BABAM2: variants seen among roughly 807,000 people sequenced by gnomAD.
The protein encoded by BABAM2 is BRISC and BRCA1-A complex member 2.
BABAM2 carries 31 observed loss-of-function variants against 54.7 expected under a neutral mutation model. The observed-to-expected ratio is 0.57, with a 90% CI of 0.43 to 0.77. The LOEUF (loss-of-function observed/expected upper bound fraction) is 0.77, where lower values mean the gene tolerates loss of function less well. BABAM2 is among the 30% of genes least tolerant of loss of function. The pLI is 0.00. For missense variants in BABAM2, 364 were observed against 455.8 expected (o/e 0.80, Z 1.83); for synonymous variants, 167 against 162.9 (o/e 1.03, Z -0.19).
chr2:27,889,708 A>G (rs1664666094), upstream of BABAM2, among the ~76,000 whole-genome samples: 1 of 152,234 alleles, frequency 6.6e-6, no homozygotes, highest in African/African-American at 2.4e-5. Context: ...CTGTAAATAT[A>G]AAATACTGCA....
At position 28,200,758 on chromosome 2, in the gene BABAM2, T is replaced by TTTTGTTTGTTTG. The variant is rs61127965; in HGVS notation, c.681-36428_681-36417dup. On this transcript the variant is annotated intron_variant, in intron 7 of 11. Transcript: ENST00000379624. Reference sequence around the variant, plus strand: ...TAGTTTACCAGGTATCTATGGGGTTTTTTGTTTGTTTGTTTGTTTGTTTGT... The same window carrying TTTTGTTTGTTTG: ...TAGTTTACCAGGTATCTATGGGGTTTTTTGTTTGTTTGTTTGTTTGTTTGTTTGTTTGTTTGT... Among the ~76,000 whole-genome samples, 777 of 151,178 alleles carry TTTTGTTTGTTTG rather than the reference T, an allele frequency of 5.1e-3. 4 individuals carry two copies. The highest frequency in any genetic ancestry group is 6.9e-3 in the African/African-American group (284 of 41,064).
chr2:28,077,125 T>G (rs1175840426), intron 6 of BABAM2, among the ~76,000 whole-genome samples: 1 of 152,214 alleles, frequency 6.6e-6, no homozygotes, highest in African/African-American at 2.4e-5. Flanking sequence ...GAGCTTTGCC[T>G]ACTTTCTAAC....
intron 6 of BABAM2, among the ~76,000 whole-genome samples, chr2:28,075,054 A>T (rs1336826973): frequency 6.6e-6 from 1 of 152,080 alleles, no homozygotes; most frequent in Non-Finnish European, 1.5e-5. Context: ...CAGTTCACGG[A>T]CCCTTGGGGA....
intron 6 of BABAM2, among the ~76,000 whole-genome samples, chr2:28,060,372 A>G (rs115744606): frequency 0.022 from 3,335 of 152,282 alleles, 128 homozygotes; most frequent in African/African-American, 0.076. Flanking sequence ...AAGTACATCT[A>G]TGAAAATCCT....
intron 6 of BABAM2, among the ~76,000 whole-genome samples, chr2:28,100,435 G>A (rs1475769801): frequency 6.7e-6 from 1 of 148,720 alleles, no homozygotes; most frequent in African/African-American, 2.5e-5. Flanking sequence ...ACTCCAGCCT[G>A]GGTGACAGAG....
intron 10 of BABAM2, among the ~76,000 whole-genome samples, chr2:28,273,845 G>A (rs576532882): frequency 3.3e-5 from 5 of 152,168 alleles, no homozygotes; most frequent in African/African-American, 4.8e-5. Flanking sequence ...GCCTCACCAC[G>A]CAGTGGCTCC....
At chr2:28,104,913 G>A (rs900397341) in intron 6 of BABAM2, among the ~76,000 whole-genome samples, 6 of 151,880 alleles carry the variant, frequency 4.0e-5, no homozygotes, top group African/African-American at 9.7e-5. Flanking sequence ...GCTGGAAACC[G>A]TCCTTCTCAG....
At chr2:28,064,388 A>G (rs1217550306) in intron 6 of BABAM2, among the ~76,000 whole-genome samples, 2 of 152,232 alleles carry the variant, frequency 1.3e-5, no homozygotes, top group Non-Finnish European at 2.9e-5. Context: ...ATTAAAGGGC[A>G]AGACTTAGAA....
intron 10 of BABAM2, among the ~76,000 whole-genome samples, chr2:28,246,399 T>C (rs545866128): frequency 1.8e-4 from 27 of 152,242 alleles, no homozygotes; most frequent in Non-Finnish European, 3.7e-4. Flanking sequence ...TTCTGTAACC[T>C]GATGACCCAA....
chr2:28,164,846 C>CA (rs1673473398), intron 7 of BABAM2, among the ~76,000 whole-genome samples: 1 of 152,132 alleles, frequency 6.6e-6, no homozygotes, highest in Admixed American at 6.6e-5. Context: ...GTAAATAACT[C>CA]CAGATCCCTT....
chr2:27,912,121 C>T (rs900183894), intron 2 of BABAM2, among the ~76,000 whole-genome samples: 6 of 152,130 alleles, frequency 3.9e-5, no homozygotes. Context: ...GAATGCTGAA[C>T]AATTACTAGG....
At chr2:28,131,940 C>T (rs1407733906) in intron 7 of BABAM2, among the ~76,000 whole-genome samples, 1 of 152,140 alleles carries the variant, frequency 6.6e-6, no homozygotes, top group Non-Finnish European at 1.5e-5. Flanking sequence ...CTCAGAAAAA[C>T]ATTTGTTCCA....
chr2:28,000,421 C>T (rs1673496911), intron 4 of BABAM2, among the ~76,000 whole-genome samples: 1 of 152,014 alleles, frequency 6.6e-6, no homozygotes, highest in Admixed American at 6.6e-5. Context: ...AGAAAGACTT[C>T]AGAGGTACAA....
intron 2 of BABAM2, among the ~76,000 whole-genome samples, chr2:27,913,833 G>A (rs566972761): frequency 2.6e-4 from 40 of 152,164 alleles, no homozygotes; most frequent in South Asian, 8.3e-4. Context: ...TAAGTTGAAC[G>A]TCTTAAACAC....
rs779190463 is a variant in BABAM2, at chr2:27,929,849, C to G, written c.146C>G (p.Pro49Arg). The G allele has an allele frequency of 6.2e-7, 1 of 1,613,778 alleles. No homozygotes were observed. Among genetic ancestry groups the G allele is most frequent in the South Asian group, 1.1e-5 (1 of 91,064 alleles). ...TTTTAAAGCTGCACATCATTGACTC[C>G]TGGGCCCAACTGTGACCGATTTAAA... ...DLKSGCTSLT[P>R]GPNCDRFKLH... The change falls in exon 3 of 12, where the codon CCT becomes CGT. Residue 49 changes from proline to arginine, a missense_variant. Pro to Arg is a moderately radical substitution (Grantham distance 103, BLOSUM62 -2). Transcript: ENST00000379624.
Position 28,145,712 on chromosome 2 carries a change from A to AC in BABAM2, c.680+16335dup, listed in dbSNP as rs529663480. 1.1e-3 allele frequency among the ~76,000 whole-genome samples: 165 copies of AC among 152,012 alleles called. 1 individual carries two copies. The highest frequency in any genetic ancestry group is 1.9e-3 in the Non-Finnish European group (126 of 67,944). ...CCTCACCCCAGAAAAGATATCCCAC[A>AC]CCCTTTGCAGTTACTCCCAGTTTTC... On this transcript the variant is annotated intron_variant, in intron 7 of 11. Coordinates refer to ENST00000379624, the MANE Select transcript of BABAM2 (RefSeq NM_199191.3).
chr2:28,309,170 G>A (rs1185001832), intron 11 of BABAM2: 2 of 152,196 alleles, frequency 1.3e-5, no homozygotes, highest in African/African-American at 4.8e-5. Flanking sequence ...GTTCCTTGTG[G>A]TTGTAGGACT....
intron 7 of BABAM2, among the ~76,000 whole-genome samples, chr2:28,130,790 A>G (rs886651759): frequency 2.0e-5 from 3 of 151,852 alleles, no homozygotes; most frequent in Non-Finnish European, 2.9e-5. Flanking sequence ...TCCAGGCTGG[A>G]GTGCAGTGGT....
At chr2:28,133,611 T>G (rs1015965573) in intron 7 of BABAM2, among the ~76,000 whole-genome samples, 2 of 152,212 alleles carry the variant, frequency 1.3e-5, no homozygotes, top group African/African-American at 2.4e-5. Context: ...AGAGATATCG[T>G]GGGCCTGGGA....
Sources: allele counts gnomAD v4.1 joint callset (sites outside exome capture counted in the v4.1 genomes callset), GRCh38; gene constraint gnomAD v4.1.1; transcripts MANE v1.5; gene names NCBI Gene and HGNC (gene_info 2026-07-23, HGNC 2026-07-21).